The following HTRA3 variants were observed in gnomAD, a reference collection of about 807,000 sequenced individuals.
HTRA3 encodes HtrA serine peptidase 3, also known as serine protease HTRA3.
HTRA3 carries 41 observed loss-of-function variants against 43.2 expected under a neutral mutation model. That is an observed-to-expected ratio of 0.95 (90% CI 0.74 to 1.23). The LOEUF is 1.23. Among genes scored for constraint, HTRA3 ranks in the 50% most tolerant of loss-of-function variants. HTRA3 has a pLI of 0.00. For synonymous variants in HTRA3, 295 were observed against 287.9 expected (o/e 1.02, Z -0.25); for missense variants, 628 against 647.1 (o/e 0.97, Z 0.32).
At position 8,276,565 on chromosome 4, in the gene HTRA3, G is replaced by T. The variant is rs577615027; in HGVS notation, c.386-5872G>T. 2.0e-5 allele frequency among the ~76,000 whole-genome samples: 3 copies of T among 152,378 alleles called. No homozygotes were observed. In the South Asian group the frequency reaches 6.2e-4, roughly 32 times the overall value. On this transcript the variant is annotated intron_variant, in intron 1 of 8. Coordinates refer to ENST00000307358, the MANE Select transcript of HTRA3 (RefSeq NM_053044.5). ...GCTTCCTGTAAGAGGAGGGCCAGGG[G>T]CTGTCTTCCTTGCCTTCAGTGGCAT... is the stretch of plus-strand genomic sequence containing the variant.
rs1185058144 is a variant in HTRA3 at position 8,291,445 on chromosome 4, C to G, written c.784C>G (p.Pro262Ala). The G allele has an allele frequency of 6.2e-7, 1 of 1,613,194 alleles. No homozygotes were observed. Among genetic ancestry groups the G allele is most frequent in the Admixed American group, 1.7e-5 (1 of 60,024 alleles). Reference protein sequence around the residue: ...PGEFVVAIGSPFALQNTVTTG... With the variant: ...PGEFVVAIGSAFALQNTVTTG... The stretch of plus-strand genomic sequence containing the variant: ...GGAGTTTGTGGTGGCCATCGGCAGT[C>G]CCTTCGCCCTACAGAACACAGTGAC... The change falls in exon 4 of 9, where the codon CCC (proline) becomes GCC (alanine). Residue 262 changes from proline to alanine, a missense_variant. Transcript: ENST00000307358.
chr4:8,294,277 T>G, intron 6 of HTRA3, 76 bp downstream of exon 6: 1 of 1,091,312 alleles, frequency 9.2e-7, no homozygotes, highest in Non-Finnish European at 1.4e-6. Context: ...ACCCCAGCCC[T>G]GGGACCAAGG....
chr4:8,282,611 C>G (rs1712799387), intron 2 of HTRA3, 75 bp downstream of exon 2: 2 of 1,173,524 alleles, frequency 1.7e-6, no homozygotes, highest in Non-Finnish European at 2.5e-6. Flanking sequence ...GGGCCCAAAC[C>G]AGGCTTGATT....
At chr4:8,284,578 C>T (rs539788789) in intron 2 of HTRA3, among the ~76,000 whole-genome samples, 25 of 152,342 alleles carry the variant, frequency 1.6e-4, no homozygotes, top group South Asian at 8.3e-4. Context: ...CTGCAGACCC[C>T]GCAGGTGCCT....
In HTRA3 at chr4:8,296,382, G is replaced by C; in HGVS notation, c.1051+2181G>C. Reference sequence around the variant, plus strand: ...CTGAGGAGCCTGATAAACCTTAGCTGCATGGCACACTTGCAATTTTAAAAT... The same window carrying C: ...CTGAGGAGCCTGATAAACCTTAGCTCCATGGCACACTTGCAATTTTAAAAT... On this transcript the variant is annotated intron_variant, in intron 6 of 8. Coordinates refer to ENST00000307358, the MANE Select transcript of HTRA3 (RefSeq NM_053044.5). This position sits in a 1 kb window ranked among gnomAD's most constrained non-coding sequence, Gnocchi z 5.3. 1 of 985,478 alleles carries C rather than the reference G, an allele frequency of 1.0e-6. No individual in the cohort carries two copies. Among genetic ancestry groups the C allele is most frequent in the Non-Finnish European group, 1.2e-6 (1 of 829,956 alleles). 61.0% of individuals were successfully genotyped at this position (985,478 alleles called of 1,614,324 possible).
At position 8,302,472 on chromosome 4, in the gene HTRA3, A is replaced by G. The variant is rs746322225; in HGVS notation, c.1061A>G (p.Lys354Arg). 1.9e-6 allele frequency: 3 copies of G among 1,614,086 alleles called. No individual in the cohort carries two copies. The Admixed American group carries it at 5.0e-5, about 27-fold the overall frequency. The change falls in exon 7 of 9, where the codon AAG becomes AGG. Residue 354 changes from lysine to arginine, a missense_variant. Coordinates refer to ENST00000307358, the MANE Select transcript of HTRA3 (RefSeq NM_053044.5). ...FQDKQIKDWK[K>R]RFIGIRMRTI... ...CGTGTTTCATTTCCAGACTGGAAGA[A>G]GCGCTTCATCGGCATACGGATGCGG...
At position 8,279,381 on chromosome 4, in the gene HTRA3, G is replaced by A. The variant is rs1484266419; in HGVS notation, c.386-3056G>A. 6.6e-6 allele frequency among the ~76,000 whole-genome samples: 1 copy of A among 152,050 alleles called. No individual in the cohort carries two copies. The highest frequency in any genetic ancestry group is 2.1e-4 in the South Asian group (1 of 4,814). On this transcript the variant is annotated intron_variant, in intron 1 of 8. Transcript: ENST00000307358. The surrounding 1 kb of genome is among the most constrained non-coding windows in gnomAD (Gnocchi z 7.4). ...AAAACAAATCATCCCCTATAAAATC[G>A]AGTGTCACCTATTTTAAGTGACCTC...
At chr4:8,288,439 A>C (rs953027551) in intron 3 of HTRA3, among the ~76,000 whole-genome samples, 1 of 151,788 alleles carries the variant, frequency 6.6e-6, no homozygotes, top group Non-Finnish European at 1.5e-5. Flanking sequence ...ACACTGGCCA[A>C]TTTTTTTGTA....
intron 1 of HTRA3, among the ~76,000 whole-genome samples, chr4:8,271,166 AGGAGCACCATGG>A (rs1446032027): frequency 7.9e-5 from 12 of 152,128 alleles, no homozygotes; most frequent in African/African-American, 2.9e-4. Flanking sequence ...GTGGAGCCTC[AGGAGCACCATGG>A]GGAGCACCAA....
intron 1 of HTRA3, among the ~76,000 whole-genome samples, chr4:8,274,037 C>A (rs1712416466): frequency 6.6e-6 from 1 of 152,198 alleles, no homozygotes; most frequent in South Asian, 2.1e-4. Context: ...CCAGGATCAC[C>A]TTGGTCAATC....
chr4:8,272,036 C>T (rs547787383), intron 1 of HTRA3, among the ~76,000 whole-genome samples: 16 of 152,262 alleles, frequency 1.1e-4, no homozygotes, highest in African/African-American at 3.9e-4. Context: ...GGGCTTGGTG[C>T]TGGGGTACCT....
At chr4:8,272,712 G>T (rs1712339093) in intron 1 of HTRA3, among the ~76,000 whole-genome samples, 1 of 152,272 alleles carries the variant, frequency 6.6e-6, no homozygotes, top group South Asian at 2.1e-4. Context: ...ACTGGGAACT[G>T]CCTGGGGAAG....
intron 3 of HTRA3, among the ~76,000 whole-genome samples, chr4:8,289,082 T>G (rs1713122153): frequency 6.6e-6 from 1 of 151,828 alleles, no homozygotes; most frequent in South Asian, 2.1e-4. Context: ...TCCATATAGC[T>G]AGGACTACAG....
rs549758341 is a variant in HTRA3 at position 8,306,667 on chromosome 4, G to C, written c.*531G>C. On this transcript the variant is annotated 3_prime_UTR_variant, in exon 9 of 9. Coordinates refer to ENST00000307358, the MANE Select transcript of HTRA3 (RefSeq NM_053044.5). The surrounding 1 kb of genome is among the most constrained non-coding windows in gnomAD (Gnocchi z 8.9). Reference sequence around the variant, plus strand: ...AGGTCACATCTGATCCCTTTGGGGTGCGGGGGTGGGGTCCAGCCCAGAGCA... The same window carrying C: ...AGGTCACATCTGATCCCTTTGGGGTCCGGGGGTGGGGTCCAGCCCAGAGCA... The C allele has an allele frequency of 1.3e-5, 2 of 154,028 alleles. No homozygotes were observed. Among genetic ancestry groups the C allele is most frequent in the East Asian group, 1.9e-4 (1 of 5,184 alleles). The allele number at this position is 154,028 out of a possible 1,614,324, so 9.5% of individuals were successfully genotyped here. A position where few individuals can be genotyped will look rare whatever the true frequency, so the allele number is the denominator to read the frequency against.
chr4:8,291,565 G>C lies in HTRA3; in HGVS notation c.903+1G>C, dbSNP rs1459201638. On this transcript the variant is annotated splice_donor_variant, in intron 4 of 8. Transcript: ENST00000307358. LOFTEE classifies it high-confidence loss of function. ...CATCCAGACGGATGCCATCATCAAC[G>C]TGAGTCCCAGGGACAGGAGGCCGGG... 8.2e-6 allele frequency: 13 copies of C among 1,575,942 alleles called. No homozygotes were observed. Among genetic ancestry groups the C allele is most frequent in the African/African-American group, 1.3e-5 (1 of 74,106 alleles).
chr4:8,289,284 T>G (rs1040053483), intron 3 of HTRA3, among the ~76,000 whole-genome samples: 7 of 152,196 alleles, frequency 4.6e-5, no homozygotes, highest in African/African-American at 1.2e-4. Flanking sequence ...GGTAAATATT[T>G]TATCTTTGCA....
Position 8,270,314 on chromosome 4 carries a change from A to T in HTRA3, c.346A>T (p.Thr116Ser). ...CCGCCGCGCGCTGCAGCTCTCCGGG[A>T]CGCCCGTGCGCCAGCTGCAGAAGGG... ...ASRRALQLSG[T>S]PVRQLQKGAC... Residue 116 changes from threonine (T) to serine (S), a missense_variant, in exon 1 of 9, where the codon ACG becomes TCG. Coordinates refer to ENST00000307358, the MANE Select transcript of HTRA3 (RefSeq NM_053044.5). 2 of 1,463,894 alleles carry T rather than the reference A, an allele frequency of 1.4e-6. No homozygotes were observed. Among genetic ancestry groups the T allele is most frequent in the Non-Finnish European group, 1.8e-6 (2 of 1,114,800 alleles). The allele number at this position is 1,463,894 out of a possible 1,614,324, so 90.7% of individuals were successfully genotyped here.
chr4:8,270,899 C>T (rs555299037), intron 1 of HTRA3, among the ~76,000 whole-genome samples: 2 of 152,324 alleles, frequency 1.3e-5, no homozygotes, highest in Admixed American at 1.3e-4. Context: ...CTAGAACAGC[C>T]TCCCTTGAGG....
intron 4 of HTRA3, among the ~76,000 whole-genome samples, chr4:8,292,086 T>C (rs1353896525): frequency 1.3e-5 from 2 of 151,272 alleles, no homozygotes; most frequent in Non-Finnish European, 3.0e-5. Flanking sequence ...GGGGTGTAGA[T>C]GCCGAAGCGT....
Sources: allele counts gnomAD v4.1 joint callset (sites outside exome capture counted in the v4.1 genomes callset), GRCh38; gene constraint gnomAD v4.1.1; non-coding constraint Gnocchi (gnomAD v3.1); transcripts MANE v1.5; gene names NCBI Gene and HGNC (gene_info 2026-07-23, HGNC 2026-07-21).